The following CHRM2 variants were observed in gnomAD, a reference collection of about 807,000 sequenced individuals.
The protein encoded by CHRM2 is muscarinic acetylcholine receptor M2.
In CHRM2, 8 loss-of-function variants were observed where a neutral mutation model predicts 25.0. That is an observed-to-expected ratio of 0.32 (90% CI 0.19 to 0.58). The LOEUF is 0.58. CHRM2 is among the 20% of genes least tolerant of loss of function. CHRM2 has a pLI of 0.88. For missense variants in CHRM2, 440 were observed against 567.1 expected (o/e 0.78, Z 2.28); for synonymous variants, 202 against 205.7 (o/e 0.98, Z 0.15).
chr7:137,011,543 C>A (rs1804828350), intron 3 of CHRM2, among the ~76,000 whole-genome samples: 1 of 151,912 alleles, frequency 6.6e-6, no homozygotes, highest in East Asian at 1.9e-4. Flanking sequence ...GGGCTCTGGC[C>A]AATTGGATGA....
intron 2 of CHRM2, among the ~76,000 whole-genome samples, chr7:136,986,251 T>C (rs573862934): frequency 3.9e-5 from 6 of 152,334 alleles, no homozygotes; most frequent in African/African-American, 1.4e-4. Context: ...TTTGGCAGTT[T>C]ATTTTTTTTA....
At chr7:136,936,143 C>G (rs986338283) in intron 2 of CHRM2, among the ~76,000 whole-genome samples, 3 of 152,232 alleles carry the variant, frequency 2.0e-5, no homozygotes, top group Admixed American at 2.0e-4. Flanking sequence ...CATCATCACT[C>G]TAGCACAAGA....
chr7:136,919,988 T>C (rs1037733575), intron 2 of CHRM2, among the ~76,000 whole-genome samples: 1 of 152,110 alleles, frequency 6.6e-6, no homozygotes, highest in Admixed American at 6.6e-5. Flanking sequence ...TAGGATTTCA[T>C]ACTACTTCAA....
intron 2 of CHRM2, among the ~76,000 whole-genome samples, chr7:136,971,500 G>A (rs920458473): frequency 2.6e-5 from 4 of 151,218 alleles, no homozygotes; most frequent in East Asian, 2.0e-4. Context: ...GCCTGTAATC[G>A]AAGCTACTTG....
At chr7:136,877,384 TTAAGAAA>T (rs1242310417) in intron 2 of CHRM2, among the ~76,000 whole-genome samples, 1 of 152,108 alleles carries the variant, frequency 6.6e-6, no homozygotes, top group African/African-American at 2.4e-5. Context: ...TCTCGGCTAC[TTAAGAAA>T]TAAGTACTTG....
At chr7:136,897,552 T>C (rs1379913874) in intron 2 of CHRM2, among the ~76,000 whole-genome samples, 1 of 152,058 alleles carries the variant, frequency 6.6e-6, no homozygotes, top group South Asian at 2.1e-4. Context: ...TAATTGAAAA[T>C]AGTTTATCTT....
chr7:136,889,804 G>T (rs1796618525), intron 2 of CHRM2, among the ~76,000 whole-genome samples: 1 of 152,148 alleles, frequency 6.6e-6, no homozygotes, highest in African/African-American at 2.4e-5. Flanking sequence ...GCGGACTGTT[G>T]CGGGAATGTT....
At chr7:136,937,845 A>T (rs922406875) in intron 2 of CHRM2, among the ~76,000 whole-genome samples, 1 of 152,178 alleles carries the variant, frequency 6.6e-6, no homozygotes, top group African/African-American at 2.4e-5. Context: ...GGGAAACAGA[A>T]CTCAAATTTT....
At chr7:136,911,617 G>A (rs1036238108) in intron 2 of CHRM2, among the ~76,000 whole-genome samples, 1 of 151,926 alleles carries the variant, frequency 6.6e-6, no homozygotes, top group African/African-American at 2.4e-5. Context: ...ACTTGGTGAC[G>A]AGAGAACTCA....
chr7:136,871,479 G>A (rs1394391303), intron 2 of CHRM2: 2 of 152,706 alleles, frequency 1.3e-5, no homozygotes, highest in African/African-American at 2.4e-5. Context: ...CCCAATGAGA[G>A]GGCTCTCAAA....
intron 2 of CHRM2, among the ~76,000 whole-genome samples, chr7:136,951,243 G>A (rs975069379): frequency 6.6e-6 from 1 of 152,132 alleles, no homozygotes; most frequent in Non-Finnish European, 1.5e-5. Flanking sequence ...AAAGGTGCCA[G>A]GCACATGGAT....
intron 2 of CHRM2, among the ~76,000 whole-genome samples, chr7:136,920,297 A>G (rs1044658890): frequency 2.6e-5 from 4 of 152,098 alleles, no homozygotes; most frequent in African/African-American, 7.2e-5. Flanking sequence ...TTTTATAGTT[A>G]TTAGTAAAAC....
intron 2 of CHRM2, among the ~76,000 whole-genome samples, chr7:136,911,538 G>C (rs1797841650): frequency 1.3e-5 from 2 of 151,896 alleles, no homozygotes; most frequent in African/African-American, 2.4e-5. Context: ...TAATGTATTT[G>C]GAACCTTGGG....
chr7:136,932,959 G>T (rs562957777), intron 2 of CHRM2, among the ~76,000 whole-genome samples: 19 of 152,292 alleles, frequency 1.2e-4, no homozygotes, highest in African/African-American at 4.1e-4. Flanking sequence ...AAACCTGGGA[G>T]GCAGAGGTTG....
intron 2 of CHRM2, among the ~76,000 whole-genome samples, chr7:136,956,403 A>G (rs2130873998): frequency 6.6e-6 from 1 of 152,292 alleles, no homozygotes; most frequent in East Asian, 1.9e-4. Context: ...GGAAATGTCA[A>G]CTCTTAGTCA....
At chr7:136,876,318 G>T (rs776209081) in intron 2 of CHRM2, among the ~76,000 whole-genome samples, 1 of 152,098 alleles carries the variant, frequency 6.6e-6, no homozygotes, top group African/African-American at 2.4e-5. Flanking sequence ...GCTAGAACTT[G>T]TTAGGGATAC....
At chr7:136,996,183 T>A (rs763040878) in intron 3 of CHRM2, among the ~76,000 whole-genome samples, 3 of 151,926 alleles carry the variant, frequency 2.0e-5, no homozygotes, top group African/African-American at 4.8e-5. Context: ...AAATTACAGT[T>A]TAAAGTATAA....
chr7:136,963,353 T>C (rs1384926583), intron 2 of CHRM2, among the ~76,000 whole-genome samples: 2 of 152,008 alleles, frequency 1.3e-5, no homozygotes, highest in African/African-American at 2.4e-5. Flanking sequence ...AGAAACAGAG[T>C]TAAAGAAGAC....
At chr7:136,874,934 T>C (rs888810742) in intron 2 of CHRM2, among the ~76,000 whole-genome samples, 3 of 151,458 alleles carry the variant, frequency 2.0e-5, no homozygotes, top group Admixed American at 6.6e-5. Flanking sequence ...CCTGGGAGGA[T>C]AGTCTGATAG....
Sources: allele counts gnomAD v4.1 joint callset (sites outside exome capture counted in the v4.1 genomes callset), GRCh38; gene constraint gnomAD v4.1.1; transcripts MANE v1.5; gene names NCBI Gene and HGNC (gene_info 2026-07-23, HGNC 2026-07-21).